The following BEST2 variants were observed in gnomAD, a reference collection of about 807,000 sequenced individuals.
BEST2 encodes the protein bestrophin-2a.
In BEST2, 36 loss-of-function variants were observed where a neutral mutation model predicts 49.0. That is an observed-to-expected ratio of 0.73 (90% confidence interval 0.56 to 0.97). The LOEUF (loss-of-function observed/expected upper bound fraction) is 0.97. Ranked by LOEUF, BEST2 falls within the 50% of genes least tolerant of loss-of-function variation. The pLI is 0.00. For synonymous variants in BEST2, 335 were observed against 304.4 expected, an observed-to-expected ratio of 1.10 and a Z score of -1.05; for missense variants, 672 against 710.0, an observed-to-expected ratio of 0.95 and a Z score of 0.61.
chr19:12,756,426 A>G, intron 9 of BEST2, 131 bp downstream of exon 9: 2 of 1,274,774 alleles, frequency 1.6e-6, no homozygotes, highest in Non-Finnish European at 2.2e-6. Context: ...GACTGTGATA[A>G]CGCCAGAAGC....
Position 12,755,801 on chromosome 19 carries a change from T to C in BEST2, c.867+34T>C, listed in dbSNP as rs535294577. 1.2e-6 allele frequency: 2 copies of C among 1,613,352 alleles called. No individual in the cohort carries two copies. The highest frequency in any genetic ancestry group is 1.7e-5 in the Admixed American group (1 of 59,992). On this transcript the variant is annotated intron_variant, in intron 7 of 9. Transcript: ENST00000553030. The surrounding 1 kb of genome is among the most constrained non-coding windows in gnomAD (Gnocchi z 4.4). ...GTGATCCAGGCTGGAATTTCGTGGG[T>C]GGGGCGGGCATGGGGTTCCCAAGTT...
chr19:12,752,783 G>A, intron 2 of BEST2, 39 bp downstream of exon 2: 1 of 1,549,638 alleles, frequency 6.5e-7, no homozygotes, highest in Non-Finnish European at 8.8e-7. Flanking sequence ...TAGCGGAGGG[G>A]GGGCAGCTAT....
At position 12,756,292 on chromosome 19, in the gene BEST2, T is replaced by A; in HGVS notation, c.1100T>A (p.Ile367Asn). The A allele has an allele frequency of 6.2e-7, 1 of 1,612,840 alleles. No homozygotes were observed. Among genetic ancestry groups the A allele is most frequent in the Non-Finnish European group, 8.5e-7 (1 of 1,179,994 alleles). Residue 367 changes from isoleucine to asparagine, a missense_variant, in exon 9 of 10, where the codon ATC becomes AAC. Physicochemically the swap from Ile to Asn is moderately radical, Grantham distance 149. Transcript: ENST00000553030. ...QPSFQGSTFDITLAKEDMQFQ... is the reference protein window; with the variant it reads ...QPSFQGSTFDNTLAKEDMQFQ... ...TCCTTCCAGGGCTCCACCTTTGACA[T>A]CACGTGAGCCAGTTGGGTGGGCAGG...
rs1432585634 is a variant in BEST2 at position 12,755,560 on chromosome 19, T to C, written c.715-55T>C. 6.2e-7 allele frequency: 1 copy of C among 1,609,586 alleles called. No homozygotes were observed. Among genetic ancestry groups the C allele is most frequent in the Non-Finnish European group, 8.5e-7 (1 of 1,176,666 alleles). On this transcript the variant is annotated intron_variant, in intron 6 of 9. Transcript: ENST00000553030. The surrounding 1 kb of genome is among the most constrained non-coding windows in gnomAD (Gnocchi z 4.4). ...CTAAGACCCCCATCATAATGATGCC[T>C]AATCCTAGCCTTGGACCCCAATGAC...
chr19:12,755,171 C>A lies in BEST2; in HGVS notation c.636+140C>A. 1 of 1,202,238 alleles carries A rather than the reference C, an allele frequency of 8.3e-7. No homozygotes were observed. The highest frequency in any genetic ancestry group is 1.1e-6 in the Non-Finnish European group (1 of 872,988). The allele number at this position is 1,202,238 out of a possible 1,614,324, so 74.5% of individuals were successfully genotyped here. A position where few individuals can be genotyped will look rare whatever the true frequency, so the allele number is the denominator to read the frequency against. On this transcript the variant is annotated intron_variant, in intron 5 of 9. Coordinates refer to ENST00000553030, the MANE Select transcript of BEST2 (RefSeq NM_017682.3). This position sits in a 1 kb window ranked among gnomAD's most constrained non-coding sequence, Gnocchi z 4.4. ...CAGGTGCACTCTTACCTCCATGGGG[C>A]TGATTCCAATGCCCTTGAGGGGCAG... is the stretch of plus-strand genomic sequence containing the variant.
Position 12,758,162 on chromosome 19 carries a change from T to A in BEST2, c.*85T>A. 6.8e-7 allele frequency: 1 copy of A among 1,465,432 alleles called. No homozygotes were observed. The highest frequency in any genetic ancestry group is 9.2e-7 in the Non-Finnish European group (1 of 1,082,180). The allele number at this position is 1,465,432 out of a possible 1,614,324, so 90.8% of individuals were successfully genotyped here. A position where few individuals can be genotyped will look rare whatever the true frequency, so the allele number is the denominator to read the frequency against. On this transcript the variant is annotated 3_prime_UTR_variant, in exon 10 of 10. Transcript: ENST00000553030. The stretch of plus-strand genomic sequence containing the variant: ...GGTGTCCCGGTCTGCATAAGCCTCG[T>A]GTGCCTTTGTAAAGTCCACCTACAC...
In BEST2 at chr19:12,757,819, G is replaced by T; in HGVS notation, c.1272G>T (p.Val424=). The T allele has an allele frequency of 6.5e-7, 1 of 1,549,034 alleles. No individual in the cohort carries two copies. Among genetic ancestry groups the T allele is most frequent in the Non-Finnish European group, 8.7e-7 (1 of 1,146,626 alleles). The part of the protein sequence containing the change: ...LSFLLRKNSC[V]SEASTGASCS... ...TTCTACTCCGCAAGAACAGCTGCGTGTCGGAGGCGTCTACTGGGGCCAGCT... is the reference window on the plus strand; with the variant it reads ...TTCTACTCCGCAAGAACAGCTGCGTTTCGGAGGCGTCTACTGGGGCCAGCT... Residue 424 remains valine, a synonymous_variant, in exon 10 of 10, where the codon GTG becomes GTT. Coordinates refer to ENST00000553030, the MANE Select transcript of BEST2 (RefSeq NM_017682.3).
chr19:12,752,870 A>ACTCCATCTCAGTT, intron 2 of BEST2, 126 bp downstream of exon 2: 4 of 749,590 alleles, frequency 5.3e-6, no homozygotes, highest in Non-Finnish European at 6.9e-6. Flanking sequence ...TTAAACTGAG[A>ACTCCATCTCAGTT]TGGAGTCTCA....
rs1568352736 is a variant in BEST2, at chr19:12,755,061, G to C, written c.636+30G>C. 1 of 1,568,466 alleles carries C rather than the reference G, an allele frequency of 6.4e-7. No homozygotes were observed. The highest frequency in any genetic ancestry group is 2.2e-5 in the East Asian group (1 of 44,484). ...GCCCAACCAGGAGGTCATTCATATA[G>C]AATACCAGGGAAATTGTACCCCTGG... On this transcript the variant is annotated intron_variant, in intron 5 of 9. Coordinates refer to ENST00000553030, the MANE Select transcript of BEST2 (RefSeq NM_017682.3). This position sits in a 1 kb window ranked among gnomAD's most constrained non-coding sequence, Gnocchi z 4.4.
At position 12,754,964 on chromosome 19, in the gene BEST2, A is replaced by G. The variant is rs1967920049; in HGVS notation, c.569A>G (p.Asn190Ser). The change falls in exon 5 of 10, where the codon AAC becomes AGC. Residue 190 changes from asparagine (N) to serine (S), a missense_variant. Coordinates refer to ENST00000553030, the MANE Select transcript of BEST2 (RefSeq NM_017682.3). ...KYWVPCVWFSNLAAQARREGR... is the reference protein window; with the variant it reads ...KYWVPCVWFSSLAAQARREGR... ...TGGGTGCCCTGCGTCTGGTTCTCCAACCTGGCGGCACAGGCCCGACGCGAG... is the reference window on the plus strand; with the variant it reads ...TGGGTGCCCTGCGTCTGGTTCTCCAGCCTGGCGGCACAGGCCCGACGCGAG... The G allele has an allele frequency of 6.2e-7, 1 of 1,613,596 alleles. No homozygotes were observed. Among genetic ancestry groups the G allele is most frequent in the African/African-American group, 1.3e-5 (1 of 74,964 alleles).
At chr19:12,754,093 T>TC (rs1967904842) in intron 3 of BEST2, among the ~76,000 whole-genome samples, 1 of 137,810 alleles carries the variant, frequency 7.3e-6, no homozygotes, top group Non-Finnish European at 1.5e-5. Context: ...TTTTTTTTTT[T>TC]GAGATGGAGT....
chr19:12,754,767 G>A lies in BEST2; in HGVS notation c.463G>A (p.Asp155Asn), dbSNP rs771105784. 6.3e-7 allele frequency: 1 copy of A among 1,586,220 alleles called. No homozygotes were observed. The highest frequency in any genetic ancestry group is 1.8e-5 in the Admixed American group (1 of 55,398). ...TAVFKRFPTI[D>N]HVVEAGFMTR... ...GGTGTTCAAGCGCTTCCCCACCATA[G>A]ACCACGTGGTGGAGGCTGGTGAGTA... The change falls in exon 4 of 10, where the codon GAC becomes AAC. Residue 155 changes from aspartate to asparagine, a missense_variant. Physicochemically the swap from Asp to Asn is conservative, Grantham distance 23 (BLOSUM62 1). Around this residue, in one of 3 missense-constraint regions of BEST2, gnomAD observed 365 missense variants for 390.9 expected, o/e 0.93. Transcript: ENST00000553030.
At position 12,757,721 on chromosome 19, in the gene BEST2, G is replaced by T. The variant is rs1438368553; in HGVS notation, c.1174G>T (p.Asp392Tyr). The change falls in exon 10 of 10, where the codon GAC (aspartate) becomes TAC (tyrosine). Residue 392 changes from aspartate to tyrosine, a missense_variant. By Grantham distance (160) the Asp-to-Tyr change is radical. Around this residue, in one of 3 missense-constraint regions of BEST2, gnomAD observed 291 missense variants for 279.8 expected, o/e 1.04. Coordinates refer to ENST00000553030, the MANE Select transcript of BEST2 (RefSeq NM_017682.3). ...TGGACCGATGGGAGAGGCGCCCGGCGACTTCCTGCAGCGCCTCCTGCCGGC... is the reference window on the plus strand; with the variant it reads ...TGGACCGATGGGAGAGGCGCCCGGCTACTTCCTGCAGCGCCTCCTGCCGGC... ...LDGPMGEAPG[D>Y]FLQRLLPAGA... 1 of 1,545,504 alleles carries T rather than the reference G, an allele frequency of 6.5e-7. No homozygotes were observed. Among genetic ancestry groups the T allele is most frequent in the East Asian group, 2.4e-5 (1 of 41,046 alleles).
intron 2 of BEST2, 142 bp from the exon 3 acceptor site, chr19:12,753,118 T>A (rs1967891095): frequency 1.3e-6 from 1 of 783,412 alleles, no homozygotes; most frequent in South Asian, 1.7e-5. Flanking sequence ...CCCAAAGTGC[T>A]GGGATTACAG....
In BEST2 at chr19:12,755,595, C is replaced by A; in HGVS notation, c.715-20C>A. 6.2e-7 allele frequency: 1 copy of A among 1,610,370 alleles called. No individual in the cohort carries two copies. On this transcript the variant is annotated intron_variant, in intron 6 of 9. Coordinates refer to ENST00000553030, the MANE Select transcript of BEST2 (RefSeq NM_017682.3). This position sits in a 1 kb window ranked among gnomAD's most constrained non-coding sequence, Gnocchi z 4.4. ...CTTGGACCCCAATGACCCCCCTGAG[C>A]CCTGCCCCGCCCTGCCCAGGTGGTG...
chr19:12,755,960 C>G lies in BEST2; in HGVS notation c.948+25C>G, dbSNP rs752470912. 11 of 1,610,848 alleles carry G rather than the reference C, an allele frequency of 6.8e-6. No homozygotes were observed. The highest frequency in any genetic ancestry group is 9.3e-6 in the Non-Finnish European group (11 of 1,177,130). On this transcript the variant is annotated intron_variant, in intron 8 of 9. Transcript: ENST00000553030. The surrounding 1 kb of genome is among the most constrained non-coding windows in gnomAD (Gnocchi z 4.4). The stretch of plus-strand genomic sequence containing the variant: ...GGTGAGACTCAGTTTCCAGGTGAGA[C>G]TTCCAGGTGGCGACCATCCCGGAGT...
In BEST2 at chr19:12,755,795, C is replaced by T. The variant is rs772740841; in HGVS notation, c.867+28C>T. Reference sequence around the variant, plus strand: ...AGGTGGGTGATCCAGGCTGGAATTTCGTGGGTGGGGCGGGCATGGGGTTCC... The same window carrying T: ...AGGTGGGTGATCCAGGCTGGAATTTTGTGGGTGGGGCGGGCATGGGGTTCC... On this transcript the variant is annotated intron_variant, in intron 7 of 9. Coordinates refer to ENST00000553030, the MANE Select transcript of BEST2 (RefSeq NM_017682.3). This position sits in a 1 kb window ranked among gnomAD's most constrained non-coding sequence, Gnocchi z 4.4. 9 of 1,609,916 alleles carry T rather than the reference C, an allele frequency of 5.6e-6. No homozygotes were observed. Among genetic ancestry groups the T allele is most frequent in the East Asian group, 2.2e-5 (1 of 44,852 alleles).
chr19:12,754,152 T>G (rs1475341386), intron 3 of BEST2, among the ~76,000 whole-genome samples: 1 of 134,570 alleles, frequency 7.4e-6, no homozygotes, highest in Non-Finnish European at 1.6e-5. Flanking sequence ...CTCAGCTCAC[T>G]GCAACCTCCG....
Position 12,755,751 on chromosome 19 carries a change from A to G in BEST2, c.851A>G (p.Tyr284Cys). The stretch of plus-strand genomic sequence containing the variant: ...TTCACCCTCTTGCAGTTCTTCTTCT[A>G]CGCCGGCTGGCTCAAGGTAGGTGGG... ...PIFTLLQFFF[Y>C]AGWLKVAEQL... The change falls in exon 7 of 10, where the codon TAC (tyrosine) becomes TGC (cysteine). Residue 284 changes from tyrosine (Y) to cysteine (C), a missense_variant. Tyr to Cys is a radical substitution (Grantham distance 194). Transcript: ENST00000553030. The surrounding 1 kb of genome is among the most constrained non-coding windows in gnomAD (Gnocchi z 4.4). The G allele has an allele frequency of 6.2e-7, 1 of 1,614,018 alleles. No individual in the cohort carries two copies. Among genetic ancestry groups the G allele is most frequent in the South Asian group, 1.1e-5 (1 of 91,088 alleles).
Sources: allele counts gnomAD v4.1 joint callset (sites outside exome capture counted in the v4.1 genomes callset), GRCh38; gene constraint gnomAD v4.1.1; regional missense constraint gnomAD v4.1.1; non-coding constraint Gnocchi (gnomAD v3.1); transcripts MANE v1.5; gene names NCBI Gene and HGNC (gene_info 2026-07-23, HGNC 2026-07-21).